EYS: variants seen among roughly 807,000 people sequenced by gnomAD.
The protein encoded by EYS is protein eyes shut homolog.
Under a neutral mutation model 282.1 loss-of-function variants are expected in EYS, and 250 were observed. The observed-to-expected ratio is 0.89, with a 90% CI of 0.80 to 0.98. The LOEUF (loss-of-function observed/expected upper bound fraction) is 0.98, where lower values mean the gene tolerates loss of function less well. EYS is among the 50% of genes least tolerant of loss of function. EYS has a pLI of 0.00. For synonymous variants in EYS, 1,355 were observed against 1,282.9 expected (o/e 1.06, Z -1.20); for missense variants, 4,016 against 3,709.0 (o/e 1.08, Z -2.15).
At chr6:64,024,523 G>A (rs1289863117) in intron 33 of EYS, among the ~76,000 whole-genome samples, 1 of 152,092 alleles carries the variant, frequency 6.6e-6, no homozygotes, top group Non-Finnish European at 1.5e-5. Flanking sequence ...TCCCGAGCAA[G>A]CAGTGGCAAC....
At chr6:65,064,069 C>T (rs1049181136) in intron 12 of EYS, among the ~76,000 whole-genome samples, 1 of 148,582 alleles carries the variant, frequency 6.7e-6, no homozygotes, top group African/African-American at 2.5e-5. Flanking sequence ...TATACTAATA[C>T]TGCTATACAG....
At chr6:65,189,220 G>A (rs927733023) in intron 12 of EYS, among the ~76,000 whole-genome samples, 4 of 151,706 alleles carry the variant, frequency 2.6e-5, no homozygotes, top group African/African-American at 9.6e-5. Flanking sequence ...ATAAATCAGT[G>A]TTAATGTACC....
intron 5 of EYS, among the ~76,000 whole-genome samples, chr6:65,482,273 C>T (rs942378635): frequency 4.6e-5 from 7 of 152,142 alleles, no homozygotes; most frequent in African/African-American, 1.7e-4. Flanking sequence ...ATGTGTTAAA[C>T]ATTTGCCATA....
intron 41 of EYS, among the ~76,000 whole-genome samples, chr6:63,750,784 T>C (rs1769323531): frequency 6.6e-6 from 1 of 152,226 alleles, no homozygotes; most frequent in African/African-American, 2.4e-5. Flanking sequence ...TGTCTTACAA[T>C]AGCCTTAGTG....
rs567485807 is a variant in EYS, at chr6:65,370,972, T to C, written c.1299+13414A>G. ...ATGTTTGAAGAACTATGTTGTAAACTGGGAAGCCAGATGGCAATAATTGTC... is the reference window on the plus strand; with the variant it reads ...ATGTTTGAAGAACTATGTTGTAAACCGGGAAGCCAGATGGCAATAATTGTC... On this transcript the variant is annotated intron_variant, in intron 8 of 42. Coordinates refer to ENST00000503581, the MANE Select transcript of EYS (RefSeq NM_001142800.2). Among the ~76,000 whole-genome samples the C allele has an allele frequency of 8.6e-5, 13 of 151,828 alleles. No individual in the cohort carries two copies. In the South Asian group the frequency reaches 1.7e-3, roughly 19 times the overall value.
chr6:64,443,923 G>A (rs1053306020), intron 26 of EYS, among the ~76,000 whole-genome samples: 1 of 152,086 alleles, frequency 6.6e-6, no homozygotes, highest in African/African-American at 2.4e-5. Flanking sequence ...GATTTCTGGG[G>A]GATGCTCAAG....
At chr6:64,792,510 C>T (rs1774222151) in intron 22 of EYS, among the ~76,000 whole-genome samples, 4 of 151,800 alleles carry the variant, frequency 2.6e-5, no homozygotes, top group Admixed American at 2.6e-4. Flanking sequence ...TAAGCAGTAC[C>T]AAGCTGTGAA....
intron 1 of EYS, among the ~76,000 whole-genome samples, chr6:65,697,943 A>T (rs970464152): frequency 2.0e-5 from 3 of 152,182 alleles, no homozygotes. Context: ...ATTAGTGGAA[A>T]ATATACAAAG....
chr6:64,104,974 C>T lies in EYS; in HGVS notation c.6425-22972G>A, dbSNP rs527640133. On this transcript the variant is annotated intron_variant, in intron 31 of 42. Coordinates refer to ENST00000503581, the MANE Select transcript of EYS (RefSeq NM_001142800.2). ...TGAACAGCATCATATTCAGTTCAAC[C>T]AATACAGATAATTTTATGTTTCTGA... Among the ~76,000 whole-genome samples the T allele has an allele frequency of 2.7e-5, 4 of 150,598 alleles. 1 individual carries two copies. The South Asian group carries it at 6.4e-4, about 24-fold the overall frequency.
At chr6:64,135,662 C>T (rs1056327783) in intron 31 of EYS, among the ~76,000 whole-genome samples, 2 of 152,068 alleles carry the variant, frequency 1.3e-5, no homozygotes, top group African/African-American at 4.8e-5. Context: ...AGGTGAGTCT[C>T]ACAATTTTTT....
intron 1 of EYS, among the ~76,000 whole-genome samples, chr6:65,687,245 TTACA>T (rs957544473): frequency 6.6e-6 from 1 of 151,760 alleles, no homozygotes; most frequent in African/African-American, 2.4e-5. Flanking sequence ...ATTTGAAAAA[TTACA>T]TACTAAAAAT....
chr6:64,083,316 G>A (rs1050906405), intron 31 of EYS, among the ~76,000 whole-genome samples: 1 of 152,202 alleles, frequency 6.6e-6, no homozygotes, highest in Non-Finnish European at 1.5e-5. Context: ...TACAGTGAGT[G>A]AGAAACTAAT....
At chr6:65,208,424 C>A (rs779921450) in intron 12 of EYS, among the ~76,000 whole-genome samples, 7 of 151,646 alleles carry the variant, frequency 4.6e-5, no homozygotes, top group Non-Finnish European at 7.4e-5. Flanking sequence ...CTACAACTAC[C>A]ATTTGATCCA....
At chr6:65,162,990 T>C (rs1008059541) in intron 12 of EYS, among the ~76,000 whole-genome samples, 1 of 150,928 alleles carries the variant, frequency 6.6e-6, no homozygotes, top group Non-Finnish European at 1.5e-5. Flanking sequence ...TTTTCCAAAA[T>C]ACATTCATGT....
chr6:64,641,752 G>T (rs1582987306), intron 22 of EYS, among the ~76,000 whole-genome samples: 1 of 152,136 alleles, frequency 6.6e-6, no homozygotes, highest in Non-Finnish European at 1.5e-5. Context: ...GGGTAAGGGA[G>T]CGTTACCTCC....
intron 14 of EYS, among the ~76,000 whole-genome samples, chr6:64,947,375 C>T (rs953614979): frequency 2.0e-5 from 3 of 151,848 alleles, no homozygotes; most frequent in African/African-American, 4.8e-5. Flanking sequence ...AGAAGTTCTA[C>T]TCAGTACTGT....
intron 34 of EYS, among the ~76,000 whole-genome samples, chr6:63,994,894 GACTTAA>G (rs1490107022): frequency 2.6e-5 from 4 of 151,944 alleles, no homozygotes; most frequent in South Asian, 4.1e-4. Flanking sequence ...GTTGATTAAA[GACTTAA>G]ACTTAACACC....
At chr6:65,685,261 T>C (rs1040207924) in intron 1 of EYS, among the ~76,000 whole-genome samples, 11 of 151,972 alleles carry the variant, frequency 7.2e-5, no homozygotes, top group African/African-American at 2.7e-4. Context: ...GAGACGTCAA[T>C]GGCCATATTT....
At chr6:65,486,824 A>T (rs940507429) in intron 5 of EYS, among the ~76,000 whole-genome samples, 4 of 152,220 alleles carry the variant, frequency 2.6e-5, no homozygotes, top group Non-Finnish European at 4.4e-5. Context: ...TATCTAACAA[A>T]CTGATTTTGA....
Sources: gnomAD v4.1 joint callset for allele counts (sites outside exome capture counted in the v4.1 genomes callset) on GRCh38, gnomAD v4.1.1 for gene constraint, MANE v1.5 for transcripts, NCBI Gene and HGNC (gene_info 2026-07-23, HGNC 2026-07-21) for gene names.